Variants in ITLN1 observed in about 807,000 individuals in gnomAD.
ITLN1 encodes the protein intelectin 1, also known as intelectin-1.
In ITLN1, 29 loss-of-function variants were observed where a neutral mutation model predicts 36.2. The observed-to-expected ratio is 0.80, with a 90% confidence interval of 0.60 to 1.09. The LOEUF is 1.09. ITLN1 is among the 50% of genes least tolerant of loss of function. The pLI, the probability that ITLN1 is intolerant of heterozygous loss-of-function variation, is 0.00. For missense variants in ITLN1, 358 were observed against 405.2 expected, an observed-to-expected ratio of 0.88 and a Z score of 1.00; for synonymous variants, 143 against 146.5, an observed-to-expected ratio of 0.98 and a Z score of 0.17.
intron 7 of ITLN1, among the ~76,000 whole-genome samples, chr1:160,878,449 G>C (rs1467421611): frequency 6.7e-6 from 1 of 150,124 alleles, no homozygotes; most frequent in Admixed American, 6.6e-5. Context: ...GCAGTGGTGT[G>C]ATCTTGGCTC....
chr1:160,882,254 A>T (rs1047974341), intron 3 of ITLN1, 50 bp from the exon 4 acceptor site: 3 of 1,525,122 alleles, frequency 2.0e-6, no homozygotes, highest in Non-Finnish European at 2.6e-6. Context: ...CTGAGGGTTC[A>T]TTTCAGCCCC....
At chr1:160,878,103 A>G (rs6427550) in intron 7 of ITLN1, among the ~76,000 whole-genome samples, 89,393 of 151,318 alleles carry the variant, frequency 0.59, 27,881 homozygotes, top group Non-Finnish European at 0.68. Context: ...GAGAGGCAGA[A>G]GTTGTGGCGA....
intron 5 of ITLN1, among the ~76,000 whole-genome samples, chr1:160,880,938 A>T (rs1571141998): frequency 6.6e-6 from 1 of 151,972 alleles, no homozygotes. Context: ...CTTCTCCCTG[A>T]CCCATCCACA....
chr1:160,881,187 C>A lies in ITLN1; in HGVS notation c.531G>T (p.Gln177His). The A allele has an allele frequency of 6.2e-7, 1 of 1,613,338 alleles. No homozygotes were observed. Among genetic ancestry groups the A allele is most frequent in the South Asian group, 1.1e-5 (1 of 90,964 alleles). ...LRYRTDTGFL[Q>H]TLGHNLFGIY... ...TGCCAAACAGATTATGTCCCAGTGT[C>A]TGGAGGAAGCCAGTGTCCGTGCGGT... Residue 177 changes from glutamine to histidine, a missense_variant, in exon 5 of 8, where the codon CAG (glutamine) becomes CAT (histidine). By Grantham distance (24) the Gln-to-His change is conservative (BLOSUM62 0). Coordinates refer to ENST00000326245, the MANE Select transcript of ITLN1 (RefSeq NM_017625.3).
chr1:160,880,120 C>T (rs1478801452), intron 6 of ITLN1, among the ~76,000 whole-genome samples: 4 of 152,084 alleles, frequency 2.6e-5, no homozygotes, highest in Non-Finnish European at 1.5e-5. Context: ...GCCTGGCCAA[C>T]ATGGTGAAAT....
intron 4 of ITLN1, chr1:160,881,579 C>A (rs892597452): frequency 8.2e-6 from 4 of 488,726 alleles, no homozygotes; most frequent in Admixed American, 3.7e-5. Flanking sequence ...GAGACCAAGG[C>A]GGGCAGGTCA....
chr1:160,880,540 A>G (rs374503409), intron 6 of ITLN1, 48 bp downstream of exon 6: 2 of 1,598,478 alleles, frequency 1.3e-6, no homozygotes, highest in Non-Finnish European at 1.7e-6. Context: ...GCATAGTTGA[A>G]TGTATTCCCT....
chr1:160,882,688 C>T (rs780223127), intron 3 of ITLN1, among the ~76,000 whole-genome samples: 33 of 152,042 alleles, frequency 2.2e-4, no homozygotes, highest in Non-Finnish European at 4.1e-4. Context: ...ATGGACAAAC[C>T]CTCAAAACAC....
chr1:160,878,255 T>C (rs1463030133), intron 7 of ITLN1, among the ~76,000 whole-genome samples: 3 of 152,116 alleles, frequency 2.0e-5, no homozygotes, highest in Non-Finnish European at 2.9e-5. Flanking sequence ...CCTTCTGCCA[T>C]GATTGGAAGT....
At chr1:160,885,021 C>T in intron 1 of ITLN1, 40 bp downstream of exon 1, 1 of 598,158 alleles carries the variant, frequency 1.7e-6, no homozygotes, top group African/African-American at 1.8e-5. Context: ...AGACCAAAAG[C>T]AGACCTAAGC....
rs764511836 is a variant in ITLN1 at position 160,876,715 on chromosome 1, G to C, written c.891C>G (p.Tyr297Ter). 1 of 1,614,226 alleles carries C rather than the reference G, an allele frequency of 6.2e-7. No homozygotes were observed. Among genetic ancestry groups the C allele is most frequent in the South Asian group, 1.1e-5 (1 of 91,088 alleles). Residue 297 changes from tyrosine to a stop codon, truncating the protein, a stop_gained, in exon 8 of 8, where the codon TAC (tyrosine) becomes TAG (stop). Transcript: ENST00000326245. LOFTEE classifies it high-confidence loss of function. ...CCTCAGTTATCTCACGGCTGCTGCTGTAACCAACATGAGTTCCATATCCAC... is the reference window on the plus strand; with the variant it reads ...CCTCAGTTATCTCACGGCTGCTGCTCTAACCAACATGAGTTCCATATCCAC... ...DWSGYGTHVG[Y>*]SSSREITEAA...
chr1:160,883,823 C>T (rs148243947), intron 2 of ITLN1, among the ~76,000 whole-genome samples: 3 of 152,326 alleles, frequency 2.0e-5, no homozygotes, highest in Non-Finnish European at 2.9e-5. Flanking sequence ...TAATCAAAGA[C>T]ATTAAAGTTC....
intron 6 of ITLN1, 124 bp from the exon 7 acceptor site, chr1:160,879,538 GAGCCC>G: frequency 2.7e-6 from 2 of 731,490 alleles, no homozygotes; most frequent in Non-Finnish European, 2.4e-6. Context: ...TGTACTGGTG[GAGCCC>G]AGCACCCCTG....
chr1:160,883,970 G>A (rs1046279637), intron 2 of ITLN1, among the ~76,000 whole-genome samples: 1 of 152,210 alleles, frequency 6.6e-6, no homozygotes, highest in Non-Finnish European at 1.5e-5. Context: ...GAATGGAAAC[G>A]CCAGACAGTA....
Position 160,880,687 on chromosome 1 carries a change from C to T in ITLN1, c.586G>A (p.Glu196Lys). 6.2e-7 allele frequency: 1 copy of T among 1,614,138 alleles called. No homozygotes were observed. The highest frequency in any genetic ancestry group is 8.5e-7 in the Non-Finnish European group (1 of 1,180,008). Residue 196 changes from glutamate (E) to lysine (K), a missense_variant, in exon 6 of 8, where the codon GAA (glutamate) becomes AAA (lysine). Transcript: ENST00000326245. ...IYQKYPVKYG[E>K]GKCWTDNGPV... ...CCGTTGTCAGTCCAACACTTTCCTT[C>T]TCCATATTTCACTGGATATTTCTAC... is the stretch of plus-strand genomic sequence containing the variant.
chr1:160,878,133 A>C (rs1670620467), intron 7 of ITLN1, among the ~76,000 whole-genome samples: 1 of 152,004 alleles, frequency 6.6e-6, no homozygotes, highest in African/African-American at 2.4e-5. Flanking sequence ...GTGCCACTGC[A>C]CTTCAGCCTG....
chr1:160,879,259 C>T lies in ITLN1; in HGVS notation c.789+52G>A, dbSNP rs74126621. 1.0e-3 allele frequency: 1,313 copies of T among 1,303,214 alleles called. 6 individuals are homozygous for T. The African/African-American group carries it at 0.016, about 16-fold the overall frequency. The allele number at this position is 1,303,214 out of a possible 1,614,324, so 80.7% of individuals were successfully genotyped here. Reference sequence around the variant, plus strand: ...ACACACTCACACATACCAACACACACGGACAAACTCGACCTTACTCACAGG... The same window carrying T: ...ACACACTCACACATACCAACACACATGGACAAACTCGACCTTACTCACAGG... On this transcript the variant is annotated intron_variant, in intron 7 of 7. Coordinates refer to ENST00000326245, the MANE Select transcript of ITLN1 (RefSeq NM_017625.3).
rs1011296863 is a variant in ITLN1 at position 160,876,606 on chromosome 1, T to G, written c.*58A>C. The G allele has an allele frequency of 1.3e-6, 2 of 1,562,940 alleles. No homozygotes were observed. Among genetic ancestry groups the G allele is most frequent in the African/African-American group, 1.4e-5 (1 of 73,634 alleles). On this transcript the variant is annotated 3_prime_UTR_variant, in exon 8 of 8. Coordinates refer to ENST00000326245, the MANE Select transcript of ITLN1 (RefSeq NM_017625.3). ...ATTCTAGCTACTGGGTAAGTTGTTC[T>G]CCATCCTTGGGATCTCATGGTTGGG...
At chr1:160,878,818 T>C (rs1264821882) in intron 7 of ITLN1, among the ~76,000 whole-genome samples, 2 of 152,118 alleles carry the variant, frequency 1.3e-5, no homozygotes, top group Non-Finnish European at 2.9e-5. Flanking sequence ...ATGGCCTGAG[T>C]GAGGTTTCTA....
Sources: gnomAD v4.1 joint callset for allele counts (sites outside exome capture counted in the v4.1 genomes callset) on GRCh38, gnomAD v4.1.1 for gene constraint, MANE v1.5 for transcripts, NCBI Gene and HGNC (gene_info 2026-07-23, HGNC 2026-07-21) for gene names.